The following P4HA1 variants were observed in gnomAD, a reference collection of about 807,000 sequenced individuals.
P4HA1 encodes prolyl 4-hydroxylase subunit alpha 1.
In P4HA1, 24 loss-of-function variants were observed where a neutral mutation model predicts 72.8. That is an observed-to-expected ratio of 0.33 (90% CI 0.24 to 0.46). The LOEUF is 0.46. P4HA1 is among the 20% of genes least tolerant of loss of function. The pLI is 1.00. For missense variants in P4HA1, 446 were observed against 640.6 expected (o/e 0.70, Z 3.28); for synonymous variants, 201 against 218.8 (o/e 0.92, Z 0.72).
intron 1 of P4HA1, among the ~76,000 whole-genome samples, chr10:73,084,419 A>G (rs1038069494): frequency 7.9e-5 from 12 of 152,170 alleles, no homozygotes; most frequent in African/African-American, 1.4e-4. Flanking sequence ...CAGCTTCCTG[A>G]GTAGCTTGGA....
chr10:73,007,644 A>C lies in P4HA1; in HGVS notation c.*578T>G, dbSNP rs10306. The stretch of plus-strand genomic sequence containing the variant: ...GTTTAATTCACCACAGAGGAGCTAA[A>C]AGAAAAGAGAGGGGGTTGGTAAAAT... On this transcript the variant is annotated 3_prime_UTR_variant, in exon 15 of 15. Transcript: ENST00000394890. 6.6e-6 allele frequency: 1 copy of C among 152,032 alleles called. No individual in the cohort carries two copies. Among genetic ancestry groups the C allele is most frequent in the Non-Finnish European group, 1.5e-5 (1 of 68,020 alleles). 9.4% of individuals were successfully genotyped at this position (152,032 alleles called of 1,614,324 possible).
chr10:73,089,681 T>C (rs1450865157), intron 1 of P4HA1, among the ~76,000 whole-genome samples: 1 of 148,394 alleles, frequency 6.7e-6, no homozygotes, highest in Non-Finnish European at 1.5e-5. Context: ...AATCTCAAAT[T>C]ATGCTGAGTG....
chr10:73,090,585 A>G (rs1337097112), intron 1 of P4HA1, among the ~76,000 whole-genome samples: 2 of 152,216 alleles, frequency 1.3e-5, no homozygotes, highest in African/African-American at 2.4e-5. Context: ...TCGTTAAAAT[A>G]TATCAGTTTA....
chr10:73,089,639 T>TA (rs1406617247), intron 1 of P4HA1, among the ~76,000 whole-genome samples: 1 of 124,940 alleles, frequency 8.0e-6, no homozygotes, highest in Non-Finnish European at 1.7e-5. Flanking sequence ...TATTCAACAA[T>TA]AAAAAACTAT....
intron 10 of P4HA1, among the ~76,000 whole-genome samples, chr10:73,026,011 G>A (rs571058468): frequency 1.3e-5 from 2 of 152,110 alleles, no homozygotes; most frequent in Non-Finnish European, 1.5e-5. Context: ...AATCAATATC[G>A]TGAAAATGGC....
chr10:73,081,440 A>G (rs1841821825), intron 1 of P4HA1, among the ~76,000 whole-genome samples: 1 of 152,188 alleles, frequency 6.6e-6, no homozygotes, highest in Non-Finnish European at 1.5e-5. Context: ...GTTTGGTAGC[A>G]TATTACATTT....
intron 10 of P4HA1, among the ~76,000 whole-genome samples, chr10:73,017,290 CAT>C (rs1391958951): frequency 6.6e-6 from 1 of 151,034 alleles, no homozygotes; most frequent in African/African-American, 2.4e-5. Context: ...TACAGATCTA[CAT>C]ATATAGATAT....
At chr10:73,053,800 C>T (rs1161901938) in intron 5 of P4HA1, among the ~76,000 whole-genome samples, 1 of 152,048 alleles carries the variant, frequency 6.6e-6, no homozygotes, top group Non-Finnish European at 1.5e-5. Flanking sequence ...TATTAGGGGA[C>T]ACAGAACCTA....
intron 3 of P4HA1, 124 bp from the exon 4 acceptor site, chr10:73,072,304 T>A: frequency 1.4e-6 from 1 of 711,424 alleles, no homozygotes; most frequent in Non-Finnish European, 2.3e-6. Context: ...AGTTTCTTTT[T>A]AAAGTAAAAG....
intron 14 of P4HA1, among the ~76,000 whole-genome samples, chr10:73,009,449 C>T (rs537848423): frequency 1.3e-5 from 2 of 152,076 alleles, no homozygotes; most frequent in Non-Finnish European, 2.9e-5. Flanking sequence ...AAGAAGACTC[C>T]CCAAACTTAG....
In P4HA1 at chr10:73,055,861, C is replaced by A. The variant is rs546372219; in HGVS notation, c.464-2271G>T. Among the ~76,000 whole-genome samples the A allele has an allele frequency of 2.6e-5, 4 of 152,254 alleles. No individual in the cohort carries two copies. The East Asian group carries it at 7.7e-4, about 29-fold the overall frequency. ...TTTGTCACTTATTTAATCCTCAAAG[C>A]CATCTTATTACAGATGAGGAACTAA... On this transcript the variant is annotated intron_variant, in intron 5 of 14. Transcript: ENST00000394890.
intron 1 of P4HA1, among the ~76,000 whole-genome samples, chr10:73,093,907 T>TATATATATATATATAC (rs1256283876): frequency 1.8e-4 from 10 of 55,610 alleles, no homozygotes; most frequent in East Asian, 7.5e-4. Context: ...TATATATATA[T>TATATATATATATATAC]ACACACACAC....
chr10:73,090,897 C>T (rs1047232884), intron 1 of P4HA1, among the ~76,000 whole-genome samples: 1 of 151,460 alleles, frequency 6.6e-6, no homozygotes, highest in Admixed American at 6.6e-5. Flanking sequence ...CCTGTCTCTA[C>T]TAAAAATACA....
At chr10:73,031,612 T>C (rs1370449008) in intron 9 of P4HA1, among the ~76,000 whole-genome samples, 1 of 150,350 alleles carries the variant, frequency 6.7e-6, no homozygotes, top group Non-Finnish European at 1.5e-5. Context: ...TAATAGAAAA[T>C]AGATTAGTGG....
At chr10:73,040,476 ATTTT>A (rs1217054869) in intron 9 of P4HA1, among the ~76,000 whole-genome samples, 1 of 123,588 alleles carries the variant, frequency 8.1e-6, no homozygotes, top group Admixed American at 7.9e-5. Context: ...GAATTCATGA[ATTTT>A]TTTTTTTTTT....
chr10:73,049,889 T>A (rs1376257298), intron 7 of P4HA1, among the ~76,000 whole-genome samples: 1 of 151,936 alleles, frequency 6.6e-6, no homozygotes, highest in Non-Finnish European at 1.5e-5. Context: ...AACAGATGAG[T>A]GTGGTGGCTG....
At chr10:73,034,944 T>C (rs1237988091) in intron 9 of P4HA1, among the ~76,000 whole-genome samples, 3 of 152,184 alleles carry the variant, frequency 2.0e-5, no homozygotes, top group Non-Finnish European at 4.4e-5. Context: ...TTTCCTTTTT[T>C]AAGGCTGAAT....
intron 5 of P4HA1, among the ~76,000 whole-genome samples, chr10:73,067,643 C>T (rs969777727): frequency 2.0e-5 from 3 of 152,142 alleles, no homozygotes; most frequent in Admixed American, 6.6e-5. Context: ...TCTACATGTT[C>T]CCTCTGTCTG....
At chr10:73,080,001 C>T (rs1841786477) in intron 1 of P4HA1, among the ~76,000 whole-genome samples, 1 of 152,120 alleles carries the variant, frequency 6.6e-6, no homozygotes, top group African/African-American at 2.4e-5. Context: ...GAACTTGGGG[C>T]TCTCCTGTGA....
Sources: allele counts gnomAD v4.1 joint callset (sites outside exome capture counted in the v4.1 genomes callset), GRCh38; gene constraint gnomAD v4.1.1; transcripts MANE v1.5; gene names NCBI Gene and HGNC (gene_info 2026-07-23, HGNC 2026-07-21).